PPM1K: variants seen among roughly 807,000 people sequenced by gnomAD.
The protein encoded by PPM1K is protein phosphatase, Mg2+/Mn2+ dependent 1K.
A neutral mutation model predicts 32.6 loss-of-function variants in PPM1K; 19 were observed. That is an observed-to-expected ratio of 0.58 (90% CI 0.41 to 0.86). The LOEUF is 0.86. Ranked by LOEUF, PPM1K falls within the 40% of genes least tolerant of loss-of-function variation. The pLI, the probability that PPM1K is intolerant of heterozygous loss-of-function variation, is 0.00. For synonymous variants in PPM1K, 159 were observed against 165.3 expected, an observed-to-expected ratio of 0.96 and a Z score of 0.29; for missense variants, 362 against 461.2, an observed-to-expected ratio of 0.78 and a Z score of 1.97.
At chr4:88,270,966 C>A in intron 3 of PPM1K, 2 of 359,340 alleles carry the variant, frequency 5.6e-6, no homozygotes, top group South Asian at 2.3e-5. Flanking sequence ...AACTAGAAAA[C>A]TAAGACATCT....
At chr4:88,275,668 G>A (rs1015415945) in intron 3 of PPM1K, 72 of 985,060 alleles carry the variant, frequency 7.3e-5, no homozygotes, top group East Asian at 3.4e-4. Flanking sequence ...GCACACCACC[G>A]ACACTACAGT....
chr4:88,271,101 C>A (rs537389554), intron 3 of PPM1K: 24 of 518,720 alleles, frequency 4.6e-5, no homozygotes, highest in Non-Finnish European at 8.1e-5. Context: ...TCACCTGGGA[C>A]AAAATTAAGC....
At chr4:88,263,183 G>A (rs1731189651) in intron 6 of PPM1K, among the ~76,000 whole-genome samples, 1 of 152,068 alleles carries the variant, frequency 6.6e-6, no homozygotes, top group Admixed American at 6.6e-5. Flanking sequence ...AAAAAAACTA[G>A]CCATAATCGT....
chr4:88,282,804 G>A (rs557903410), intron 1 of PPM1K, among the ~76,000 whole-genome samples: 3 of 152,178 alleles, frequency 2.0e-5, no homozygotes, highest in Admixed American at 6.5e-5. Flanking sequence ...TTTAAGACAC[G>A]TTAGTAAATA....
chr4:88,262,584 C>T lies in PPM1K; in HGVS notation c.*11G>A, dbSNP rs573871502. On this transcript the variant is annotated 3_prime_UTR_variant, in exon 7 of 7. Transcript: ENST00000608933. The stretch of plus-strand genomic sequence containing the variant: ...AACTGTTGCACAGAAACTCTAAGTC[C>T]CAGCTGGTAATCAGGCCCATCGTCC... The T allele has an allele frequency of 6.2e-7, 1 of 1,612,572 alleles. No homozygotes were observed. The highest frequency in any genetic ancestry group is 8.5e-7 in the Non-Finnish European group (1 of 1,179,394).
rs1045291204 is a variant in PPM1K at position 88,260,810 on chromosome 4, A to G, written c.*1785T>C. 1 of 152,058 alleles carries G rather than the reference A, an allele frequency of 6.6e-6. No individual in the cohort carries two copies. Among genetic ancestry groups the G allele is most frequent in the South Asian group, 2.1e-4 (1 of 4,828 alleles). The allele number at this position is 152,058 out of a possible 1,614,324, so 9.4% of individuals were successfully genotyped here. ...CACAGTTGAAGGTATATACTACATC[A>G]ACTTTTTCTTTTGTTTCTGCCACAG... is the stretch of plus-strand genomic sequence containing the variant. On this transcript the variant is annotated 3_prime_UTR_variant, in exon 7 of 7. Transcript: ENST00000608933.
intron 4 of PPM1K, among the ~76,000 whole-genome samples, chr4:88,268,536 G>T (rs549582067): frequency 9.9e-5 from 15 of 152,152 alleles, no homozygotes; most frequent in South Asian, 6.2e-4. Flanking sequence ...CAGGAGAATG[G>T]TGTGAACCCG....
At position 88,262,474 on chromosome 4, in the gene PPM1K, A is replaced by T; in HGVS notation, c.*121T>A. Reference sequence around the variant, plus strand: ...AGCATTTATGAAAAAACTACTATCTAAGTGGTTTACACTGACTTGTGCGCT... The same window carrying T: ...AGCATTTATGAAAAAACTACTATCTTAGTGGTTTACACTGACTTGTGCGCT... On this transcript the variant is annotated 3_prime_UTR_variant, in exon 7 of 7. Transcript: ENST00000608933. The T allele has an allele frequency of 9.8e-7, 1 of 1,025,342 alleles. No homozygotes were observed. Among genetic ancestry groups the T allele is most frequent in the South Asian group, 1.7e-5 (1 of 58,898 alleles). 63.5% of individuals were successfully genotyped at this position (1,025,342 alleles called of 1,614,324 possible).
intron 1 of PPM1K, among the ~76,000 whole-genome samples, chr4:88,282,920 C>A (rs1161910691): frequency 2.0e-5 from 3 of 152,176 alleles, no homozygotes; most frequent in Admixed American, 6.5e-5. Flanking sequence ...CTCTTCTTTC[C>A]TCGTCTCTAA....
chr4:88,271,013 C>T (rs746784557), intron 3 of PPM1K: 25 of 504,178 alleles, frequency 5.0e-5, no homozygotes, highest in South Asian at 3.6e-4. Context: ...ACAATTTCTA[C>T]TGCAAGTCAT....
chr4:88,266,929 T>TG (rs538913775), intron 5 of PPM1K, among the ~76,000 whole-genome samples: 122 of 147,298 alleles, frequency 8.3e-4, no homozygotes, highest in Non-Finnish European at 1.3e-3. Context: ...CAGGTGGTGC[T>TG]GGTTGACTGG....
Position 88,268,880 on chromosome 4 carries a change from CA to C in PPM1K, c.567del (p.Ala190GlnfsTer3). ...ADATLLTSGTTATVALLRDGI... is the reference protein window; with the variant it reads ...ADATLLTSGTXATVALLRDGI... ...CCATCTCGCAATAGGGCTACTGTTG[CA>C]GTAGTCCCAGAGGTCAGAAGAGTTG... is the stretch of plus-strand genomic sequence containing the variant. On this transcript the variant is annotated frameshift_variant, in exon 4 of 7. Transcript: ENST00000608933. LOFTEE classifies it high-confidence loss of function. The C allele has an allele frequency of 6.2e-7, 1 of 1,613,316 alleles. No individual in the cohort carries two copies. Among genetic ancestry groups the C allele is most frequent in the Non-Finnish European group, 8.5e-7 (1 of 1,179,764 alleles).
chr4:88,268,697 C>T (rs1377981465), intron 4 of PPM1K, 44 bp downstream of exon 4: 29 of 1,552,590 alleles, frequency 1.9e-5, no homozygotes, highest in Non-Finnish European at 2.6e-5. Flanking sequence ...GAACTAAAAA[C>T]ATCATCCACA....
chr4:88,264,822 C>A (rs1476959026), intron 6 of PPM1K, among the ~76,000 whole-genome samples, 179 bp downstream of exon 6: 5 of 152,104 alleles, frequency 3.3e-5, no homozygotes, highest in Non-Finnish European at 2.9e-5. Flanking sequence ...AAAGAATAAA[C>A]AAAGCACATT....
intron 1 of PPM1K, 133 bp downstream of exon 1, chr4:88,284,273 G>A (rs1267681435): frequency 6.6e-6 from 1 of 152,346 alleles, no homozygotes; most frequent in African/African-American, 2.4e-5. Flanking sequence ...GGGGGCGGGG[G>A]AACGGAAACC....
At position 88,268,232 on chromosome 4, in the gene PPM1K, C is replaced by T; in HGVS notation, c.810G>A (p.Lys270=). ...CAGGTTCTGCTATGACACCACTGGT[C>T]TTAAGGTCCAAATCTCCAATACTTC... The part of the protein sequence containing the change: ...MTRSIGDLDL[K]TSGVIAEPET... Residue 270 remains lysine, a synonymous_variant, in exon 5 of 7, where the codon AAG becomes AAA. Coordinates refer to ENST00000608933, the MANE Select transcript of PPM1K (RefSeq NM_152542.5). 6.2e-7 allele frequency: 1 copy of T among 1,614,154 alleles called. No individual in the cohort carries two copies. The highest frequency in any genetic ancestry group is 8.5e-7 in the Non-Finnish European group (1 of 1,180,012).
At chr4:88,266,589 G>C (rs1017637363) in intron 5 of PPM1K, among the ~76,000 whole-genome samples, 9 of 149,748 alleles carry the variant, frequency 6.0e-5, no homozygotes, top group Non-Finnish European at 8.9e-5. Context: ...AGGTGATGCT[G>C]GCTGACTGGG....
At chr4:88,264,934 A>G in intron 6 of PPM1K, 67 bp downstream of exon 6, 6 of 1,509,248 alleles carry the variant, frequency 4.0e-6, no homozygotes, top group Non-Finnish European at 5.4e-6. Context: ...AAAAGCTAAA[A>G]CACAATGCCT....
intron 3 of PPM1K, chr4:88,275,002 C>T (rs916200425): frequency 1.1e-5 from 7 of 639,824 alleles, no homozygotes; most frequent in African/African-American, 9.9e-5. Flanking sequence ...TTATAATAGA[C>T]CTTTTCTTTT....
Sources: allele counts gnomAD v4.1 joint callset (sites outside exome capture counted in the v4.1 genomes callset), GRCh38; gene constraint gnomAD v4.1.1; transcripts MANE v1.5; gene names NCBI Gene and HGNC (gene_info 2026-07-23, HGNC 2026-07-21).